The following EFCAB8 variants were observed in gnomAD, a reference collection of about 807,000 sequenced individuals.
EFCAB8 encodes the protein EF-hand calcium-binding domain-containing protein 8.
In EFCAB8, 100 loss-of-function variants were observed where a neutral mutation model predicts 116.3. That is an observed-to-expected ratio of 0.86 (90% CI 0.73 to 1.02). The LOEUF is 1.02. EFCAB8 is among the 50% of genes least tolerant of loss of function. The pLI, the probability that EFCAB8 is intolerant of heterozygous loss-of-function variation, is 0.00. For synonymous variants in EFCAB8, 558 were observed against 567.9 expected (o/e 0.98, Z 0.25); for missense variants, 1,320 against 1,416.9 (o/e 0.93, Z 1.10).
chr20:32,926,432 CTTT>C (rs781520881), intron 20 of EFCAB8, among the ~76,000 whole-genome samples: 1 of 99,882 alleles, frequency 1.0e-5, no homozygotes. Flanking sequence ...TAGCTGTTTG[CTTT>C]TTTTTTTTTT....
chr20:32,890,003 A>T lies in EFCAB8; in HGVS notation c.673+597A>T, dbSNP rs866876937. Reference sequence around the variant, plus strand: ...GCGACAGAGAGAGACTCAGTCTTAAAAAAAAAAAAAAAAAAAGCCTCTCCT... The same window carrying T: ...GCGACAGAGAGAGACTCAGTCTTAATAAAAAAAAAAAAAAAAGCCTCTCCT... On this transcript the variant is annotated intron_variant, in intron 7 of 26. Coordinates refer to ENST00000400522, the MANE Select transcript of EFCAB8 (RefSeq NM_001143967.2). Among the ~76,000 whole-genome samples the T allele has an allele frequency of 4.3e-3, 635 of 146,542 alleles. 8 individuals carry two copies. The highest frequency in any genetic ancestry group is 0.015 in the African/African-American group (606 of 40,768).
intron 24 of EFCAB8, 60 bp from the exon 25 acceptor site, chr20:32,959,718 G>A: frequency 7.7e-7 from 1 of 1,303,374 alleles, no homozygotes. Context: ...CAGGGTTTCT[G>A]GGAGGGTCAC....
At chr20:32,937,640 A>T (rs145307302) in intron 22 of EFCAB8, among the ~76,000 whole-genome samples, 1 of 151,902 alleles carries the variant, frequency 6.6e-6, no homozygotes, top group Non-Finnish European at 1.5e-5. Context: ...TTTTGTTGAG[A>T]CAGAGTCTCA....
chr20:32,948,572 G>GAAAGAAAGAAAGAA (rs1555871358), intron 23 of EFCAB8, among the ~76,000 whole-genome samples: 38 of 139,508 alleles, frequency 2.7e-4, no homozygotes, highest in African/African-American at 1.0e-3. Context: ...AAGAAAGAAA[G>GAAAGAAAGAAAGAA]AAAGAAAGAA....
chr20:32,922,553 T>C (rs570774186), intron 20 of EFCAB8, among the ~76,000 whole-genome samples: 2 of 152,204 alleles, frequency 1.3e-5, no homozygotes, highest in African/African-American at 2.4e-5. Flanking sequence ...AAAGGGCATG[T>C]CACAGAGTGA....
Position 32,918,413 on chromosome 20 carries a change from T to G in EFCAB8, c.2113T>G (p.Tyr705Asp). 1 of 1,551,674 alleles carries G rather than the reference T, an allele frequency of 6.4e-7. No homozygotes were observed. Reference sequence around the variant, plus strand: ...TGAGAGCCACAGGCCCAGCAGACCCTATGTGGAGCGGGAGAAGTGGACATA... The same window carrying G: ...TGAGAGCCACAGGCCCAGCAGACCCGATGTGGAGCGGGAGAAGTGGACATA... Reference protein sequence around the residue: ...LAESHRPSRPYVEREKWTYKT... With the variant: ...LAESHRPSRPDVEREKWTYKT... Residue 705 changes from tyrosine (Y) to aspartate (D), a missense_variant, in exon 19 of 27, where the codon TAT becomes GAT. By Grantham distance (160) the Tyr-to-Asp change is radical (BLOSUM62 -3). Transcript: ENST00000400522.
rs1401537453 is a variant in EFCAB8, at chr20:32,906,638, C to A, written c.1156+9C>A. 1 of 718,126 alleles carries A rather than the reference C, an allele frequency of 1.4e-6. No homozygotes were observed. The highest frequency in any genetic ancestry group is 2.6e-6 in the Non-Finnish European group (1 of 385,104). The allele number at this position is 718,126 out of a possible 1,614,324, so 44.5% of individuals were successfully genotyped here. A position where few individuals can be genotyped will look rare whatever the true frequency, so the allele number is the denominator to read the frequency against. ...AGACAGGAACTTCCTGGGTAAGTCA[C>A]CTTCATGTCACCCAGAAGCTGCTGG... On this transcript the variant is annotated intron_variant, in intron 12 of 26. Coordinates refer to ENST00000400522, the MANE Select transcript of EFCAB8 (RefSeq NM_001143967.2).
intron 20 of EFCAB8, among the ~76,000 whole-genome samples, chr20:32,929,067 C>G (rs187694695): frequency 2.0e-5 from 3 of 151,880 alleles, no homozygotes; most frequent in Non-Finnish European, 2.9e-5. Context: ...TAATATGCTA[C>G]TGAATGCAGT....
chr20:32,923,029 A>T (rs11697410), intron 20 of EFCAB8, among the ~76,000 whole-genome samples: 6,147 of 152,080 alleles, frequency 0.04, 166 homozygotes, highest in Non-Finnish European at 0.065. Flanking sequence ...ACAAAAAATT[A>T]AAAAAATTAG....
Position 32,861,937 on chromosome 20 carries a change from CTT to C in EFCAB8, c.-10-1844_-10-1843del, listed in dbSNP as rs1984136218. ...AAATGAACTTAACATTTTACATACA[CTT>C]TAGTTTTTTCACTGGTAACCTCTTA... On this transcript the variant is annotated intron_variant, in intron 1 of 26. Transcript: ENST00000400522. Among the ~76,000 whole-genome samples the C allele has an allele frequency of 2.0e-5, 3 of 151,954 alleles. No homozygotes were observed. In the South Asian group the frequency reaches 6.2e-4, roughly 32 times the overall value.
chr20:32,945,978 G>A (rs1363485943), intron 23 of EFCAB8, among the ~76,000 whole-genome samples: 3 of 152,200 alleles, frequency 2.0e-5, no homozygotes, highest in African/African-American at 4.8e-5. Flanking sequence ...TCCTTCAATA[G>A]TCTGAGAGAG....
chr20:32,895,567 C>CT (rs1392814575), intron 9 of EFCAB8, among the ~76,000 whole-genome samples: 61 of 134,678 alleles, frequency 4.5e-4, no homozygotes, highest in African/African-American at 1.6e-3. Flanking sequence ...TTTTTTCTTT[C>CT]TTTCTTTCTT....
chr20:32,951,337 A>G (rs1026627222), intron 23 of EFCAB8, among the ~76,000 whole-genome samples: 3 of 152,282 alleles, frequency 2.0e-5, no homozygotes, highest in African/African-American at 7.2e-5. Flanking sequence ...TCACTCAGCA[A>G]TAAAACAGAA....
chr20:32,961,430 C>T lies in EFCAB8; in HGVS notation c.3688C>T (p.Arg1230Trp), dbSNP rs887329822. 30 of 1,456,760 alleles carry T rather than the reference C, an allele frequency of 2.1e-5. No homozygotes were observed. The highest frequency in any genetic ancestry group is 7.2e-5 in the African/African-American group (5 of 69,794). 90.2% of individuals were successfully genotyped at this position (1,456,760 alleles called of 1,614,324 possible). ...GACGCCCCAGTTCTCCTTCTTGCTG[C>T]GGCCCCAGTCAGCCTCCACAGCCCA... Reference protein sequence around the residue: ...FLTPQFSFLLRPQSASTAHST... With the variant: ...FLTPQFSFLLWPQSASTAHST... Residue 1230 changes from arginine to tryptophan, a missense_variant, in exon 27 of 27, where the codon CGG (arginine) becomes TGG (tryptophan). By Grantham distance (101) the Arg-to-Trp change is moderately radical. Coordinates refer to ENST00000400522, the MANE Select transcript of EFCAB8 (RefSeq NM_001143967.2).
intron 17 of EFCAB8, chr20:32,917,015 CT>C: frequency 1.6e-5 from 6 of 368,516 alleles, no homozygotes; most frequent in Non-Finnish European, 2.5e-5. Flanking sequence ...GTCCCCCCCC[CT>C]TTAAACCTTA....
chr20:32,875,993 AAAGG>A lies in EFCAB8; in HGVS notation c.278_281del (p.Lys93SerfsTer4). ...TGAGCAGTGTGTCGGACGAGATGCT[AAAGG>A]AGCTGTTTTTGAAGGTGGACTCGGA... On this transcript the variant is annotated frameshift_variant, in exon 4 of 27. Coordinates refer to ENST00000400522, the MANE Select transcript of EFCAB8 (RefSeq NM_001143967.2). LOFTEE classifies it high-confidence loss of function. The A allele has an allele frequency of 6.4e-7, 1 of 1,552,206 alleles. No individual in the cohort carries two copies. The highest frequency in any genetic ancestry group is 8.7e-7 in the Non-Finnish European group (1 of 1,147,082).
chr20:32,946,166 G>GT (rs1988589628), intron 23 of EFCAB8, among the ~76,000 whole-genome samples: 1 of 152,208 alleles, frequency 6.6e-6, no homozygotes, highest in South Asian at 2.1e-4. Context: ...TTTGTTCTTA[G>GT]TAGCCCAGTC....
intron 22 of EFCAB8, among the ~76,000 whole-genome samples, chr20:32,939,201 TTCC>T (rs1988297318): frequency 3.9e-5 from 3 of 76,528 alleles, no homozygotes; most frequent in East Asian, 3.2e-4. Flanking sequence ...CTTTCTTTCT[TTCC>T]TCTCTCTCTC....
At chr20:32,947,311 A>G (rs1988626594) in intron 23 of EFCAB8, among the ~76,000 whole-genome samples, 1 of 152,260 alleles carries the variant, frequency 6.6e-6, no homozygotes, top group African/African-American at 2.4e-5. Flanking sequence ...AAACAACTAT[A>G]CAGAAAATCA....
Sources: allele counts gnomAD v4.1 joint callset (sites outside exome capture counted in the v4.1 genomes callset), GRCh38; gene constraint gnomAD v4.1.1; transcripts MANE v1.5; gene names NCBI Gene and HGNC (gene_info 2026-07-23, HGNC 2026-07-21).